Variants in RAB3GAP2 observed in about 807,000 individuals in gnomAD.
RAB3GAP2 encodes the protein rab3 GTPase-activating protein non-catalytic subunit.
Under a neutral mutation model 185.3 loss-of-function variants are expected in RAB3GAP2, and 87 were observed. The observed-to-expected ratio is 0.47, with a 90% CI of 0.39 to 0.56. RAB3GAP2 has a LOEUF of 0.56. Among genes scored for constraint, RAB3GAP2 ranks in the 20% least tolerant of loss-of-function variants. The pLI is 0.00. For synonymous variants in RAB3GAP2, 554 were observed against 576.1 expected, an observed-to-expected ratio of 0.96 and a Z score of 0.55; for missense variants, 1,492 against 1,638.2, an observed-to-expected ratio of 0.91 and a Z score of 1.54.
At chr1:220,261,990 G>A (rs1340798511) in intron 1 of RAB3GAP2, among the ~76,000 whole-genome samples, 1 of 151,578 alleles carries the variant, frequency 6.6e-6, no homozygotes, top group African/African-American at 2.4e-5. Context: ...TTTGTATTTT[G>A]GTTAAAAAAA....
intron 1 of RAB3GAP2, among the ~76,000 whole-genome samples, chr1:220,233,332 T>C (rs759764260): frequency 5.9e-5 from 9 of 152,218 alleles, no homozygotes; most frequent in Non-Finnish European, 1.3e-4. Context: ...AAACTGAATT[T>C]TGAAACAAGA....
chr1:220,245,162 G>A (rs1293102769), intron 1 of RAB3GAP2, among the ~76,000 whole-genome samples: 1 of 152,146 alleles, frequency 6.6e-6, no homozygotes, highest in Admixed American at 6.5e-5. Flanking sequence ...CAAAGAGGAG[G>A]AGCCAAGATG....
chr1:220,269,094 G>A (rs1044220245), intron 1 of RAB3GAP2, among the ~76,000 whole-genome samples: 3 of 152,104 alleles, frequency 2.0e-5, no homozygotes, highest in Non-Finnish European at 4.4e-5. Flanking sequence ...AGGAACAAGG[G>A]GGTTGTATTG....
intron 2 of RAB3GAP2, among the ~76,000 whole-genome samples, chr1:220,224,215 A>T (rs936312039): frequency 5.3e-5 from 8 of 152,180 alleles, no homozygotes; most frequent in Non-Finnish European, 1.2e-4. Context: ...GAAAAGTTAA[A>T]TAACTTGCCC....
chr1:220,247,854 C>A (rs754370723), intron 1 of RAB3GAP2, among the ~76,000 whole-genome samples: 10 of 151,724 alleles, frequency 6.6e-5, no homozygotes, highest in Non-Finnish European at 1.3e-4. Context: ...TTAAAAAGAA[C>A]CACTTGGAAA....
intron 1 of RAB3GAP2, among the ~76,000 whole-genome samples, chr1:220,255,964 C>CAACAACATCAAG (rs1199717102): frequency 1.3e-5 from 2 of 152,090 alleles, no homozygotes; most frequent in African/African-American, 4.8e-5. Context: ...AGATCAACCC[C>CAACAACATCAAG]AAGACACATA....
chr1:220,195,793 A>G (rs1384440611), intron 10 of RAB3GAP2, among the ~76,000 whole-genome samples: 2 of 152,190 alleles, frequency 1.3e-5, no homozygotes, highest in African/African-American at 4.8e-5. Flanking sequence ...ATTTTGGACA[A>G]TTCTGAGAAG....
Position 220,149,078 on chromosome 1 carries a change from T to TATCA in RAB3GAP2, c.*2169_*2172dup, listed in dbSNP as rs1412052222. 6.6e-6 allele frequency: 1 copy of TATCA among 152,202 alleles called. No individual in the cohort carries two copies. The highest frequency in any genetic ancestry group is 6.5e-5 in the Admixed American group (1 of 15,274). The allele number at this position is 152,202 out of a possible 1,614,324, so 9.4% of individuals were successfully genotyped here. A position where few individuals can be genotyped will look rare whatever the true frequency, so the allele number is the denominator to read the frequency against. ...ATTCTACATTAAAATCTAATTCCTT[T>TATCA]ATCATCTATGGCTCTTTGTTATTAT... On this transcript the variant is annotated 3_prime_UTR_variant, in exon 35 of 35. Coordinates refer to ENST00000358951, the MANE Select transcript of RAB3GAP2 (RefSeq NM_012414.4).
intron 1 of RAB3GAP2, chr1:220,253,971 G>A (rs1659986637): frequency 1.9e-6 from 3 of 1,613,628 alleles, no homozygotes; most frequent in South Asian, 2.2e-5. Flanking sequence ...AGCCTCCTTG[G>A]AAGAAAAGGG....
intron 6 of RAB3GAP2, 73 bp from the exon 7 acceptor site, chr1:220,210,562 G>A (rs539866805): frequency 4.2e-6 from 5 of 1,201,926 alleles, no homozygotes; most frequent in Admixed American, 1.7e-5. Context: ...GCCAGGCAAA[G>A]AGTACCATTT....
intron 21 of RAB3GAP2, 25 bp from the exon 22 acceptor site, chr1:220,172,767 C>T: frequency 6.5e-7 from 1 of 1,532,024 alleles, no homozygotes; most frequent in Non-Finnish European, 9.0e-7. Context: ...AAATCTTTTT[C>T]AGTCTAAAAA....
At chr1:220,203,784 T>C (rs1282841971) in intron 8 of RAB3GAP2, among the ~76,000 whole-genome samples, 1 of 152,134 alleles carries the variant, frequency 6.6e-6, no homozygotes, top group Non-Finnish European at 1.5e-5. Context: ...TGAAAATAGG[T>C]ATAAAAATTT....
chr1:220,161,346 G>C (rs1657959845), intron 28 of RAB3GAP2, among the ~76,000 whole-genome samples: 1 of 152,164 alleles, frequency 6.6e-6, no homozygotes, highest in Non-Finnish European at 1.5e-5. Context: ...AAAAGAATAT[G>C]TTATCTTTAC....
chr1:220,229,975 C>T (rs1237287466), intron 2 of RAB3GAP2, among the ~76,000 whole-genome samples: 1 of 152,206 alleles, frequency 6.6e-6, no homozygotes, highest in Non-Finnish European at 1.5e-5. Context: ...GCCATTTACA[C>T]TATCTCTTTC....
chr1:220,206,531 A>C (rs887019202), intron 7 of RAB3GAP2, among the ~76,000 whole-genome samples: 3 of 152,146 alleles, frequency 2.0e-5, no homozygotes, highest in African/African-American at 7.2e-5. Flanking sequence ...GATTTTACTT[A>C]ACCAGTTCAT....
chr1:220,260,177 G>A (rs1660106225), intron 1 of RAB3GAP2, among the ~76,000 whole-genome samples: 1 of 152,212 alleles, frequency 6.6e-6, no homozygotes, highest in African/African-American at 2.4e-5. Context: ...GGAAGACAGT[G>A]TGGTGATTCC....
intron 21 of RAB3GAP2, among the ~76,000 whole-genome samples, chr1:220,177,111 G>A (rs1658306204): frequency 6.6e-6 from 1 of 152,244 alleles, no homozygotes; most frequent in Non-Finnish European, 1.5e-5. Flanking sequence ...GGGGCCACCA[G>A]GACAGACTTC....
chr1:220,233,204 G>T (rs1219920230), intron 1 of RAB3GAP2, among the ~76,000 whole-genome samples: 2 of 152,010 alleles, frequency 1.3e-5, no homozygotes, highest in Non-Finnish European at 2.9e-5. Flanking sequence ...AATGACAAAT[G>T]TTTATTACTC....
chr1:220,236,694 T>C (rs748395323), intron 1 of RAB3GAP2, among the ~76,000 whole-genome samples: 25 of 152,010 alleles, frequency 1.6e-4, no homozygotes, highest in African/African-American at 5.1e-4. Flanking sequence ...AAAAGGTATA[T>C]ATTGAGAAAA....
Sources: allele counts gnomAD v4.1 joint callset (sites outside exome capture counted in the v4.1 genomes callset), GRCh38; gene constraint gnomAD v4.1.1; transcripts MANE v1.5; gene names NCBI Gene and HGNC (gene_info 2026-07-23, HGNC 2026-07-21).